CREB3L2: variants seen among roughly 807,000 people sequenced by gnomAD.
CREB3L2 encodes cAMP responsive element binding protein 3 like 2.
CREB3L2 carries 23 observed loss-of-function variants against 57.2 expected under a neutral mutation model. The observed-to-expected ratio is 0.40, with a 90% CI of 0.29 to 0.57. The LOEUF (loss-of-function observed/expected upper bound fraction) is 0.57, where lower values mean the gene tolerates loss of function less well. CREB3L2 is among the 20% of genes least tolerant of loss of function. The pLI, the probability that CREB3L2 is intolerant of heterozygous loss-of-function variation, is 0.42. For synonymous variants in CREB3L2, 268 were observed against 265.1 expected (o/e 1.01, Z -0.11); for missense variants, 628 against 634.7 (o/e 0.99, Z 0.11).
intron 1 of CREB3L2, among the ~76,000 whole-genome samples, chr7:137,930,315 C>A (rs1800588671): frequency 6.6e-6 from 1 of 152,190 alleles, no homozygotes; most frequent in Admixed American, 6.5e-5. Context: ...TTTAGGGACA[C>A]TTCTAGTATA....
intron 1 of CREB3L2, among the ~76,000 whole-genome samples, chr7:137,960,314 G>C (rs960058122): frequency 6.6e-6 from 1 of 152,064 alleles, no homozygotes; most frequent in African/African-American, 2.4e-5. Context: ...TGCTAAGTTC[G>C]TAACATAGAC....
At position 137,882,537 on chromosome 7, in the gene CREB3L2, A is replaced by G. The variant is rs764573030; in HGVS notation, c.1362T>C (p.Asp454=). The G allele has an allele frequency of 3.1e-6, 5 of 1,613,598 alleles. No homozygotes were observed. The African/African-American group carries it at 6.7e-5, about 22-fold the overall frequency. ...PGSAGELGGW[D]RGSSLLRVSG... is the part of the protein sequence containing the mutation. ...ACACCCTGAGCAGGGAGGAACCTCT[A>G]TCCCAGCCCCCCAGCTCCCCAGCCG... The change falls in exon 11 of 12, where the codon GAT becomes GAC. Residue 454 remains aspartate, a synonymous_variant. Transcript: ENST00000330387.
chr7:137,930,595 G>T (rs950539403), intron 1 of CREB3L2, among the ~76,000 whole-genome samples: 1 of 152,180 alleles, frequency 6.6e-6, no homozygotes, highest in Admixed American at 6.5e-5. Flanking sequence ...GCTTCTGCAG[G>T]CTCAGTCCCT....
At chr7:137,930,365 G>A (rs545893910) in intron 1 of CREB3L2, among the ~76,000 whole-genome samples, 3 of 152,312 alleles carry the variant, frequency 2.0e-5, no homozygotes, top group South Asian at 2.1e-4. Flanking sequence ...ATAAGAGAAC[G>A]ATGGCAAATA....
intron 8 of CREB3L2, among the ~76,000 whole-genome samples, chr7:137,900,309 C>T (rs895119940): frequency 1.3e-5 from 2 of 152,044 alleles, no homozygotes; most frequent in Non-Finnish European, 2.9e-5. Context: ...TCAGTTACCT[C>T]CTCTATATAG....
intron 1 of CREB3L2, among the ~76,000 whole-genome samples, chr7:137,965,870 G>A (rs1801399126): frequency 6.6e-6 from 1 of 152,178 alleles, no homozygotes. Context: ...CTCCTCTAGG[G>A]CAGGAATGCT....
intron 1 of CREB3L2, among the ~76,000 whole-genome samples, chr7:137,972,760 GAGAGAGA>G (rs1801539813): frequency 1.2e-5 from 1 of 80,318 alleles, no homozygotes; most frequent in Non-Finnish European, 2.5e-5. Context: ...GAGAGAGAGA[GAGAGAGA>G]GAGAAAAGAA....
chr7:137,964,255 G>A (rs897609692), intron 1 of CREB3L2, among the ~76,000 whole-genome samples: 1 of 152,208 alleles, frequency 6.6e-6, no homozygotes, highest in African/African-American at 2.4e-5. Context: ...GATGGAGGTT[G>A]CAATGAGCCA....
chr7:137,928,754 A>C (rs549122045), intron 1 of CREB3L2, among the ~76,000 whole-genome samples: 7 of 152,276 alleles, frequency 4.6e-5, no homozygotes, highest in African/African-American at 7.2e-5. Flanking sequence ...ATGAGGGAGA[A>C]AAACCAAAGC....
chr7:137,966,368 A>C (rs1266243003), intron 1 of CREB3L2, among the ~76,000 whole-genome samples: 3 of 152,244 alleles, frequency 2.0e-5, no homozygotes, highest in Non-Finnish European at 4.4e-5. Context: ...AGGTTAAAAA[A>C]AGCAAATTCA....
rs1386549174 is a variant in CREB3L2, at chr7:137,875,990, G to A, written c.*4486C>T. ...GCATGGAACATTAATCTTCAAATGA[G>A]CCAGGTTCCTTTGCCCTGAGAAATG... On this transcript the variant is annotated 3_prime_UTR_variant, in exon 12 of 12. Transcript: ENST00000330387. The A allele has an allele frequency of 1.3e-5, 3 of 228,184 alleles. No individual in the cohort carries two copies. Among genetic ancestry groups the A allele is most frequent in the African/African-American group, 6.7e-5 (3 of 45,040 alleles). The allele number at this position is 228,184 out of a possible 1,614,324, so 14.1% of individuals were successfully genotyped here.
chr7:137,910,023 A>G (rs1365728639), intron 4 of CREB3L2, among the ~76,000 whole-genome samples: 1 of 152,156 alleles, frequency 6.6e-6, no homozygotes, highest in Non-Finnish European at 1.5e-5. Flanking sequence ...TCCACGTGGA[A>G]CTGTGAGGCC....
At chr7:137,951,212 C>T (rs1801088367) in intron 1 of CREB3L2, among the ~76,000 whole-genome samples, 1 of 152,142 alleles carries the variant, frequency 6.6e-6, no homozygotes. Context: ...AAAACACCTC[C>T]CAAGCACAGT....
intron 8 of CREB3L2, among the ~76,000 whole-genome samples, chr7:137,898,301 A>C (rs949030906): frequency 6.6e-6 from 1 of 152,216 alleles, no homozygotes; most frequent in Non-Finnish European, 1.5e-5. Flanking sequence ...ACCCTTCCAC[A>C]CTGTTAGTGG....
At chr7:137,932,501 G>A (rs1800671117) in intron 1 of CREB3L2, among the ~76,000 whole-genome samples, 1 of 152,152 alleles carries the variant, frequency 6.6e-6, no homozygotes, top group African/African-American at 2.4e-5. Context: ...GGGAGGCAGA[G>A]GTAGGCAAAT....
chr7:137,970,881 A>G (rs1801494356), intron 1 of CREB3L2, among the ~76,000 whole-genome samples: 1 of 152,166 alleles, frequency 6.6e-6, no homozygotes, highest in Non-Finnish European at 1.5e-5. Flanking sequence ...TCCTCCAGCT[A>G]TTTCTCCAGC....
chr7:137,941,454 T>C (rs527387256), intron 1 of CREB3L2, among the ~76,000 whole-genome samples: 2 of 152,338 alleles, frequency 1.3e-5, no homozygotes, highest in East Asian at 3.9e-4. Context: ...GGCTGTCCGC[T>C]CCTGCATGTT....
intron 1 of CREB3L2, among the ~76,000 whole-genome samples, chr7:137,932,316 T>G (rs1800665035): frequency 6.6e-6 from 1 of 152,164 alleles, no homozygotes; most frequent in Non-Finnish European, 1.5e-5. Context: ...AAAGAGAACT[T>G]TAAAAAACAC....
At chr7:137,948,988 T>G (rs1322837414) in intron 1 of CREB3L2, among the ~76,000 whole-genome samples, 1 of 152,220 alleles carries the variant, frequency 6.6e-6, no homozygotes, top group Non-Finnish European at 1.5e-5. Flanking sequence ...ATAAAGGACA[T>G]TCACACAAGA....
Sources: gnomAD v4.1 joint callset for allele counts (sites outside exome capture counted in the v4.1 genomes callset) on GRCh38, gnomAD v4.1.1 for gene constraint, MANE v1.5 for transcripts, NCBI Gene and HGNC (gene_info 2026-07-23, HGNC 2026-07-21) for gene names.